Variants in ARHGAP24 observed in about 807,000 individuals in gnomAD.
ARHGAP24 encodes the protein Rho GTPase activating protein 24.
ARHGAP24 carries 50 observed loss-of-function variants against 76.4 expected under a neutral mutation model. The observed-to-expected ratio is 0.65, with a 90% CI of 0.52 to 0.83. The LOEUF is 0.83. Among genes scored for constraint, ARHGAP24 ranks in the 40% least tolerant of loss-of-function variants. The pLI is 0.00. For synonymous variants in ARHGAP24, 345 were observed against 323.3 expected (o/e 1.07, Z -0.72); for missense variants, 930 against 914.2 (o/e 1.02, Z -0.22).
chr4:85,831,675 G>A (rs1190723209), intron 3 of ARHGAP24, among the ~76,000 whole-genome samples: 1 of 152,156 alleles, frequency 6.6e-6, no homozygotes, highest in Non-Finnish European at 1.5e-5. Flanking sequence ...GCCAGGGTGG[G>A]AGGATCACTT....
chr4:85,716,023 G>T (rs1432128881), intron 2 of ARHGAP24, among the ~76,000 whole-genome samples: 1 of 151,900 alleles, frequency 6.6e-6, no homozygotes, highest in African/African-American at 2.4e-5. Flanking sequence ...ATTAAAAATG[G>T]ACATATATTG....
intron 1 of ARHGAP24, among the ~76,000 whole-genome samples, chr4:85,499,113 A>C (rs1027043244): frequency 6.6e-6 from 1 of 152,156 alleles, no homozygotes; most frequent in African/African-American, 2.4e-5. Context: ...CTTTCATTAG[A>C]CCTTGCTTAG....
chr4:85,478,165 A>G lies in ARHGAP24; in HGVS notation c.-21+2606A>G, dbSNP rs115559992. 8.4e-3 allele frequency among the ~76,000 whole-genome samples: 1,284 copies of G among 152,310 alleles called. 11 individuals are homozygous for G. Among genetic ancestry groups the G allele is most frequent in the African/African-American group, 0.029 (1,223 of 41,566 alleles). ...ATCCATTCTTCACTGATCACATTTTATAGAGGAAAAAGCAGAAGATATTTA... is the reference window on the plus strand; with the variant it reads ...ATCCATTCTTCACTGATCACATTTTGTAGAGGAAAAAGCAGAAGATATTTA... On this transcript the variant is annotated intron_variant, in intron 1 of 9. Coordinates refer to ENST00000395184, the MANE Select transcript of ARHGAP24 (RefSeq NM_001025616.3).
intron 3 of ARHGAP24, among the ~76,000 whole-genome samples, chr4:85,836,101 C>T (rs1408029503): frequency 6.6e-6 from 1 of 152,160 alleles, no homozygotes; most frequent in Admixed American, 6.5e-5. Context: ...AAGCTTTGGT[C>T]CTAAGAAACA....
chr4:85,504,590 C>T (rs1723960669), intron 1 of ARHGAP24, among the ~76,000 whole-genome samples: 1 of 152,144 alleles, frequency 6.6e-6, no homozygotes, highest in South Asian at 2.1e-4. Context: ...TCCTCCATCC[C>T]TTTATTTTGA....
intron 2 of ARHGAP24, among the ~76,000 whole-genome samples, chr4:85,645,641 G>T (rs749511660): frequency 1.8e-4 from 28 of 152,042 alleles, no homozygotes; most frequent in Non-Finnish European, 2.5e-4. Context: ...TGTGCTGAAT[G>T]TCCTTGCTTA....
At chr4:85,945,040 T>A (rs1057131057) in intron 5 of ARHGAP24, among the ~76,000 whole-genome samples, 1 of 152,060 alleles carries the variant, frequency 6.6e-6, no homozygotes, top group African/African-American at 2.4e-5. Flanking sequence ...GAGACAGAGT[T>A]TCTCCATGTT....
At chr4:85,807,887 G>A (rs1458620042) in intron 3 of ARHGAP24, among the ~76,000 whole-genome samples, 2 of 152,110 alleles carry the variant, frequency 1.3e-5, no homozygotes, top group Non-Finnish European at 2.9e-5. Context: ...TTACCCTGAT[G>A]TCAGCAACTT....
At chr4:85,881,388 G>A (rs533668433) in intron 3 of ARHGAP24, among the ~76,000 whole-genome samples, 3 of 152,188 alleles carry the variant, frequency 2.0e-5, no homozygotes, top group South Asian at 2.1e-4. Context: ...ATTCATTAAC[G>A]TTGCCAAGAT....
chr4:85,750,530 C>G (rs553185527), intron 3 of ARHGAP24, among the ~76,000 whole-genome samples: 2 of 105,692 alleles, frequency 1.9e-5, no homozygotes, highest in African/African-American at 7.7e-5. Context: ...CAGTCTTGCT[C>G]TGTTACCCAG....
At position 85,687,249 on chromosome 4, in the gene ARHGAP24, G is replaced by A. The variant is rs191384676; in HGVS notation, c.181-34636G>A. On this transcript the variant is annotated intron_variant, in intron 2 of 9. Coordinates refer to ENST00000395184, the MANE Select transcript of ARHGAP24 (RefSeq NM_001025616.3). ...TTATTTATCTGTTTATTTATACATAGGGTTGAATTTTCTTGTCTTTTTTAC... is the reference window on the plus strand; with the variant it reads ...TTATTTATCTGTTTATTTATACATAAGGTTGAATTTTCTTGTCTTTTTTAC... Among the ~76,000 whole-genome samples, 11 of 152,092 alleles carry A rather than the reference G, an allele frequency of 7.2e-5. No homozygotes were observed. The East Asian group carries it at 1.9e-3, about 27-fold the overall frequency.
At chr4:85,633,742 A>C (rs1466889215) in intron 2 of ARHGAP24, among the ~76,000 whole-genome samples, 1 of 151,828 alleles carries the variant, frequency 6.6e-6, no homozygotes, top group Admixed American at 6.6e-5. Context: ...ATAGTTCAAA[A>C]GACATACTTT....
chr4:85,700,941 T>G (rs535070883), intron 2 of ARHGAP24, among the ~76,000 whole-genome samples: 49 of 152,352 alleles, frequency 3.2e-4, no homozygotes, highest in African/African-American at 1.1e-3. Flanking sequence ...GTATTTTTTA[T>G]GTAGACATAA....
chr4:85,722,214 A>C lies in ARHGAP24; in HGVS notation c.268+242A>C, dbSNP rs116523903. On this transcript the variant is annotated intron_variant, in intron 3 of 9. Transcript: ENST00000395184. ...ATTTGTCCATGAGACTCCATAGTTG[A>C]CCACAAGTCATGATACAGTATTTGT... is the stretch of plus-strand genomic sequence containing the variant. 3,225 of 454,254 alleles carry C rather than the reference A, an allele frequency of 7.1e-3. 79 individuals carry two copies. The highest frequency in any genetic ancestry group is 0.057 in the African/African-American group (2,859 of 50,182). The allele number at this position is 454,254 out of a possible 1,614,324, so 28.1% of individuals were successfully genotyped here.
At chr4:85,878,654 T>G (rs2601850) in intron 3 of ARHGAP24, among the ~76,000 whole-genome samples, 133,422 of 152,096 alleles carry the variant, frequency 0.88, 58,600 homozygotes, top group East Asian at 0.99. Flanking sequence ...TGGAATAAGA[T>G]ACATGGACCT....
intron 1 of ARHGAP24, among the ~76,000 whole-genome samples, chr4:85,483,294 A>G (rs995815675): frequency 6.6e-6 from 1 of 152,192 alleles, no homozygotes; most frequent in Non-Finnish European, 1.5e-5. Context: ...GAAAAAGAAT[A>G]GAATAAGATA....
At chr4:85,772,194 G>A (rs1321129723) in intron 3 of ARHGAP24, among the ~76,000 whole-genome samples, 4 of 152,110 alleles carry the variant, frequency 2.6e-5, no homozygotes, top group Admixed American at 6.6e-5. Context: ...TACTATCATC[G>A]TCTTTAGGTC....
intron 3 of ARHGAP24, among the ~76,000 whole-genome samples, chr4:85,908,808 G>A (rs956213618): frequency 2.0e-5 from 3 of 151,588 alleles, no homozygotes; most frequent in Admixed American, 1.3e-4. Flanking sequence ...AGTACATACA[G>A]ATAGTATCGA....
intron 3 of ARHGAP24, among the ~76,000 whole-genome samples, chr4:85,921,826 A>G (rs978998917): frequency 6.6e-6 from 1 of 152,124 alleles, no homozygotes; most frequent in Non-Finnish European, 1.5e-5. Flanking sequence ...ACTGCACCTG[A>G]GAGGGATCTA....
Sources: gnomAD v4.1 joint callset for allele counts (sites outside exome capture counted in the v4.1 genomes callset) on GRCh38, gnomAD v4.1.1 for gene constraint, MANE v1.5 for transcripts, NCBI Gene and HGNC (gene_info 2026-07-23, HGNC 2026-07-21) for gene names.